Variants in KLHL32 observed in about 807,000 individuals in gnomAD.
KLHL32 encodes the protein kelch like family member 32, also known as kelch-like protein 32.
Under a neutral mutation model 64.8 loss-of-function variants are expected in KLHL32, and 35 were observed. The ratio of observed to expected loss-of-function variants is 0.54; its 90% confidence interval spans 0.41 to 0.72. The LOEUF is 0.72. Among genes scored for constraint, KLHL32 ranks in the 30% least tolerant of loss-of-function variants. The pLI, the probability that KLHL32 is intolerant of heterozygous loss-of-function variation, is 0.00. For missense variants in KLHL32, 589 were observed against 768.5 expected, an observed-to-expected ratio of 0.77 and a Z score of 2.76; for synonymous variants, 259 against 281.0, an observed-to-expected ratio of 0.92 and a Z score of 0.78.
At chr6:97,130,091 C>T (rs1418117749) in intron 8 of KLHL32, among the ~76,000 whole-genome samples, 1 of 152,088 alleles carries the variant, frequency 6.6e-6, no homozygotes, top group Non-Finnish European at 1.5e-5. Flanking sequence ...GAAAGAACAG[C>T]AAAACCATTA....
chr6:96,976,036 C>T lies in KLHL32; in HGVS notation c.63C>T (p.Ser21=), dbSNP rs749062658. The T allele has an allele frequency of 6.9e-6, 11 of 1,593,942 alleles. No homozygotes were observed. Among genetic ancestry groups the T allele is most frequent in the East Asian group, 2.3e-5 (1 of 44,102 alleles). The change falls in exon 3 of 11, where the codon TCC becomes TCT. Residue 21 remains serine, a synonymous_variant. Transcript: ENST00000369261. The stretch of plus-strand genomic sequence containing the variant: ...TGACAGGCCAGAGGCTCTGCCACTC[C>T]GAATCTCACAATGACAGTGTCCTGG... The part of the protein sequence containing the change: ...EMLTGQRLCH[S]ESHNDSVLAA...
At chr6:96,931,291 G>A (rs1769854343) in intron 1 of KLHL32, among the ~76,000 whole-genome samples, 1 of 152,064 alleles carries the variant, frequency 6.6e-6, no homozygotes, top group African/African-American at 2.4e-5. Context: ...ATATCATGTG[G>A]ATTTCTGATG....
At chr6:96,916,355 A>G in the KLHL32 span, among the ~76,000 whole-genome samples, 3 of 105,318 alleles carry the variant, frequency 2.8e-5, no homozygotes, top group Non-Finnish European at 6.0e-5. Context: ...CAAGGGCTCA[A>G]ATATAGAAGT....
chr6:96,904,418 A>T, the KLHL32 span, among the ~76,000 whole-genome samples: 1 of 152,024 alleles, frequency 6.6e-6, no homozygotes, highest in African/African-American at 2.4e-5. Context: ...TGACCACAAA[A>T]ATTATTATGC....
At chr6:96,904,166 AC>A in the KLHL32 span, among the ~76,000 whole-genome samples, 1 of 151,326 alleles carries the variant, frequency 6.6e-6, no homozygotes, top group Admixed American at 6.6e-5. Flanking sequence ...ACATACTAAA[AC>A]CCCGTCTCTA....
At chr6:97,057,653 A>T (rs1364604728) in intron 4 of KLHL32, among the ~76,000 whole-genome samples, 3 of 151,258 alleles carry the variant, frequency 2.0e-5, no homozygotes, top group Non-Finnish European at 4.4e-5. Context: ...CCTTTAGCAG[A>T]TGTATCTGTT....
At chr6:96,928,805 G>GT (rs1253692623) in intron 1 of KLHL32, among the ~76,000 whole-genome samples, 1 of 152,036 alleles carries the variant, frequency 6.6e-6, no homozygotes. Context: ...AGATGTAATC[G>GT]TTTTTTTCTA....
intron 3 of KLHL32, among the ~76,000 whole-genome samples, chr6:97,029,747 T>C (rs781470401): frequency 6.6e-6 from 1 of 152,232 alleles, no homozygotes; most frequent in Non-Finnish European, 1.5e-5. Flanking sequence ...TTGAATGGTC[T>C]CATTAACTGA....
chr6:97,051,457 A>G (rs1177579453), intron 4 of KLHL32, among the ~76,000 whole-genome samples: 1 of 152,230 alleles, frequency 6.6e-6, no homozygotes, highest in African/African-American at 2.4e-5. Flanking sequence ...CAGTAACTCC[A>G]AACAGTAGAT....
intron 3 of KLHL32, among the ~76,000 whole-genome samples, chr6:96,981,929 G>A (rs1291392961): frequency 6.6e-6 from 1 of 151,958 alleles, no homozygotes; most frequent in East Asian, 1.9e-4. Context: ...TCGGTATAAT[G>A]TCAGTTTTTT....
intron 5 of KLHL32, among the ~76,000 whole-genome samples, chr6:97,066,069 G>C (rs1035808168): frequency 2.0e-5 from 3 of 152,120 alleles, no homozygotes; most frequent in African/African-American, 7.2e-5. Flanking sequence ...CTTTCTGCCT[G>C]TAGCAAATGG....
chr6:96,925,180 A>G (rs944970945), intron 1 of KLHL32, among the ~76,000 whole-genome samples, 154 bp downstream of exon 1: 1 of 152,146 alleles, frequency 6.6e-6, no homozygotes, highest in Non-Finnish European at 1.5e-5. Flanking sequence ...GGGAGCAGCC[A>G]CTACTCAGGT....
intron 7 of KLHL32, among the ~76,000 whole-genome samples, chr6:97,122,833 T>C (rs1222467600): frequency 1.3e-5 from 2 of 152,206 alleles, no homozygotes; most frequent in Non-Finnish European, 2.9e-5. Context: ...GATATAGTCA[T>C]GTAGGACCCA....
At chr6:97,092,685 A>G (rs1351831059) in intron 6 of KLHL32, among the ~76,000 whole-genome samples, 2 of 152,196 alleles carry the variant, frequency 1.3e-5, no homozygotes, top group African/African-American at 4.8e-5. Flanking sequence ...GCCAGAGCAT[A>G]TATTTAATCT....
rs992698654 is a variant in KLHL32 at position 97,085,346 on chromosome 6, G to C, written c.627+5G>C. 9 of 1,612,026 alleles carry C rather than the reference G, an allele frequency of 5.6e-6. 1 individual carries two copies. In the Admixed American group the frequency reaches 1.3e-4, roughly 24 times the overall value. On this transcript the variant is annotated splice_donor_5th_base_variant and intron_variant, in intron 6 of 10. Coordinates refer to ENST00000369261, the MANE Select transcript of KLHL32 (RefSeq NM_052904.4). The stretch of plus-strand genomic sequence containing the variant: ...AGTGAAGAGCAGATCTGGCAGGTAA[G>C]GGCGCTGTGCACGGTCGCTTTTGGC...
Position 96,994,796 on chromosome 6 carries a change from A to C in KLHL32, c.204+18619A>C, listed in dbSNP as rs191668160. On this transcript the variant is annotated intron_variant, in intron 3 of 10. Coordinates refer to ENST00000369261, the MANE Select transcript of KLHL32 (RefSeq NM_052904.4). ...GGCTTAATTTAAGCAGTGTGAGCAC[A>C]GCATAGCATTAGCCAGATGCTGTAA... Among the ~76,000 whole-genome samples the C allele has an allele frequency of 2.0e-5, 3 of 152,374 alleles. No individual in the cohort carries two copies. The East Asian group carries it at 5.8e-4, about 29-fold the overall frequency.
intron 5 of KLHL32, among the ~76,000 whole-genome samples, chr6:97,070,425 T>G (rs1417023076): frequency 6.6e-6 from 1 of 152,170 alleles, no homozygotes; most frequent in African/African-American, 2.4e-5. Context: ...CATCATAAGA[T>G]CTGCAGTAGC....
intron 3 of KLHL32, among the ~76,000 whole-genome samples, chr6:96,995,981 T>C (rs1286604079): frequency 1.3e-5 from 2 of 152,176 alleles, no homozygotes; most frequent in Non-Finnish European, 2.9e-5. Flanking sequence ...TGAGGAAGTA[T>C]TGAAACAGAG....
intron 3 of KLHL32, among the ~76,000 whole-genome samples, chr6:96,997,855 A>T (rs1778583632): frequency 6.6e-6 from 1 of 152,198 alleles, no homozygotes; most frequent in South Asian, 2.1e-4. Flanking sequence ...CCAACCAACC[A>T]AAAACAGCTT....
Sources: gnomAD v4.1 joint callset for allele counts (sites outside exome capture counted in the v4.1 genomes callset) on GRCh38, gnomAD v4.1.1 for gene constraint, MANE v1.5 for transcripts, NCBI Gene and HGNC (gene_info 2026-07-23, HGNC 2026-07-21) for gene names.